The following ING5 variants were observed in gnomAD, a reference collection of about 807,000 sequenced individuals.
The protein encoded by ING5 is inhibitor of growth protein 5.
ING5 carries 17 observed loss-of-function variants against 37.4 expected under a neutral mutation model. The observed-to-expected ratio is 0.45, with a 90% CI of 0.31 to 0.68. The LOEUF is 0.68. Ranked by LOEUF, ING5 falls within the 30% of genes least tolerant of loss-of-function variation. ING5 has a pLI of 0.05. For missense variants in ING5, 233 were observed against 311.9 expected, an observed-to-expected ratio of 0.75 and a Z score of 1.91; for synonymous variants, 123 against 116.6, an observed-to-expected ratio of 1.06 and a Z score of -0.36.
intron 1 of ING5, among the ~76,000 whole-genome samples, chr2:241,702,307 C>T (rs1559298867): frequency 6.7e-6 from 1 of 149,736 alleles, no homozygotes; most frequent in Non-Finnish European, 1.5e-5. Flanking sequence ...GGGGTCCCGC[C>T]GGCTGGGTCG....
chr2:241,710,247 C>T (rs2070066646), intron 3 of ING5, among the ~76,000 whole-genome samples: 1 of 152,100 alleles, frequency 6.6e-6, no homozygotes. Flanking sequence ...GCTAGGATTA[C>T]AGTCACCCAC....
At chr2:241,702,617 G>A (rs996869073) in intron 1 of ING5, among the ~76,000 whole-genome samples, 2 of 152,218 alleles carry the variant, frequency 1.3e-5, no homozygotes, top group Non-Finnish European at 2.9e-5. Flanking sequence ...TGCGGGCCGC[G>A]GGGCGTCTCT....
intron 2 of ING5, among the ~76,000 whole-genome samples, chr2:241,691,803 C>A (rs1301058255): frequency 6.6e-6 from 1 of 151,886 alleles, no homozygotes; most frequent in African/African-American, 2.4e-5. Context: ...CTCACACCTA[C>A]AATCCCAGCA....
chr2:241,719,779 A>C (rs901567588), intron 5 of ING5: 10 of 1,442,270 alleles, frequency 6.9e-6, no homozygotes, highest in Non-Finnish European at 9.0e-6. Flanking sequence ...CTGTGGCCTC[A>C]TGGCTTTTCC....
rs139462657 is a variant in ING5, at chr2:241,728,655, T to G, written c.*3624T>G. ...ATGCCAAGCGGAGGCCTGCGTGGCCTCCTGAGCAGCAGCTGACCGCCCGTC... is the reference window on the plus strand; with the variant it reads ...ATGCCAAGCGGAGGCCTGCGTGGCCGCCTGAGCAGCAGCTGACCGCCCGTC... On this transcript the variant is annotated 3_prime_UTR_variant, in exon 8 of 8. Coordinates refer to ENST00000313552, the MANE Select transcript of ING5 (RefSeq NM_032329.6). The G allele has an allele frequency of 0.094, 14,331 of 152,214 alleles. 717 individuals carry two copies. Among genetic ancestry groups the G allele is most frequent in the South Asian group, 0.15 (717 of 4,808 alleles). 9.4% of individuals were successfully genotyped at this position (152,214 alleles called of 1,614,324 possible). A position where few individuals can be genotyped will look rare whatever the true frequency, so the allele number is the denominator to read the frequency against.
At chr2:241,710,431 T>A (rs1191959821) in intron 3 of ING5, among the ~76,000 whole-genome samples, 4 of 151,856 alleles carry the variant, frequency 2.6e-5, no homozygotes, top group African/African-American at 9.7e-5. Context: ...GCCTCCTAAG[T>A]AGCTGGGATT....
rs1239008509 is a variant in ING5, at chr2:241,725,871, A to G, written c.*840A>G. ...AGTCCCGTCTGCCAGGAGCTGACGA[A>G]CCACGAATGCTTCTGCCTGTGCTGT... On this transcript the variant is annotated 3_prime_UTR_variant, in exon 8 of 8. Coordinates refer to ENST00000313552, the MANE Select transcript of ING5 (RefSeq NM_032329.6). 2.0e-5 allele frequency: 3 copies of G among 152,666 alleles called. No individual in the cohort carries two copies. Among genetic ancestry groups the G allele is most frequent in the Non-Finnish European group, 4.4e-5 (3 of 68,048 alleles). 9.5% of individuals were successfully genotyped at this position (152,666 alleles called of 1,614,324 possible).
exon 2 of ING5, chr2:241,690,099 T>A (rs1553578077): frequency 6.6e-6 from 1 of 152,222 alleles, no homozygotes; most frequent in South Asian, 2.1e-4. Flanking sequence ...ATGGCTTTCC[T>A]GGCTCCCCTG....
upstream of ING5, among the ~76,000 whole-genome samples, chr2:241,701,298 C>A (rs549416995): frequency 6.7e-6 from 1 of 148,824 alleles, no homozygotes; most frequent in Admixed American, 6.8e-5. Flanking sequence ...TACGGCACAC[C>A]TTTGCACGCC....
Position 241,724,817 on chromosome 2 carries a change from T to G in ING5, c.681-172T>G, listed in dbSNP as rs1017799709. ...CCGGCGTCCTGCATAGAGCCGCACGTGCATCGGCGCATTTTCCCTGCGGGA... is the reference window on the plus strand; with the variant it reads ...CCGGCGTCCTGCATAGAGCCGCACGGGCATCGGCGCATTTTCCCTGCGGGA... On this transcript the variant is annotated intron_variant, in intron 7 of 7. Transcript: ENST00000313552. 19 of 626,528 alleles carry G rather than the reference T, an allele frequency of 3.0e-5. No individual in the cohort carries two copies. The Admixed American group carries it at 3.1e-4, about 10-fold the overall frequency. 38.8% of individuals were successfully genotyped at this position (626,528 alleles called of 1,614,324 possible).
chr2:241,702,005 C>T (rs2069740082), upstream of ING5: 3 of 1,257,596 alleles, frequency 2.4e-6, no homozygotes, highest in Non-Finnish European at 3.1e-6. Flanking sequence ...GGCACCGCCC[C>T]GCCCCCGCCT....
Position 241,725,606 on chromosome 2 carries a change from C to G in ING5, c.*575C>G, listed in dbSNP as rs1216001280. 1 of 152,528 alleles carries G rather than the reference C, an allele frequency of 6.6e-6. No homozygotes were observed. The highest frequency in any genetic ancestry group is 1.5e-5 in the Non-Finnish European group (1 of 68,054). The allele number at this position is 152,528 out of a possible 1,614,324, so 9.4% of individuals were successfully genotyped here. A position where few individuals can be genotyped will look rare whatever the true frequency, so the allele number is the denominator to read the frequency against. On this transcript the variant is annotated 3_prime_UTR_variant, in exon 8 of 8. Coordinates refer to ENST00000313552, the MANE Select transcript of ING5 (RefSeq NM_032329.6). ...GGGGCTCTTCCCTGGAGGAAGCGGC[C>G]TCCGCTTCGCTGGCGCCGCCTTTTT...
At chr2:241,690,672 T>C in intron 2 of ING5, 1 of 398,592 alleles carries the variant, frequency 2.5e-6, no homozygotes, top group East Asian at 3.6e-5. Context: ...ATCCACTTTA[T>C]AGGGGAAATG....
At chr2:241,692,798 C>T (rs901831308) in intron 2 of ING5, among the ~76,000 whole-genome samples, 1 of 152,070 alleles carries the variant, frequency 6.6e-6, no homozygotes, top group Non-Finnish European at 1.5e-5. Flanking sequence ...GCTCAGAACT[C>T]CTGAGGGAGA....
chr2:241,718,622 G>A (rs182671019), intron 5 of ING5, among the ~76,000 whole-genome samples: 1,535 of 151,578 alleles, frequency 0.01, 24 homozygotes, highest in African/African-American at 0.036. Context: ...ACCGTGTTAT[G>A]CAGGCTGGTC....
At chr2:241,708,966 C>G in intron 2 of ING5, 1 of 351,202 alleles carries the variant, frequency 2.8e-6, no homozygotes. Flanking sequence ...GCACTGTGAC[C>G]ACTTGCTGTG....
At chr2:241,690,379 C>T (rs2069532055) in exon 2 of ING5, 1 of 381,996 alleles carries the variant, frequency 2.6e-6, no homozygotes, top group Admixed American at 4.5e-5. Flanking sequence ...ACATGAAGTC[C>T]AGTGTTAGGC....
chr2:241,696,717 G>A (rs538195947), intron 2 of ING5, among the ~76,000 whole-genome samples: 6 of 152,172 alleles, frequency 3.9e-5, no homozygotes, highest in Admixed American at 1.3e-4. Flanking sequence ...CCAGGAGGTC[G>A]AGGCTGCATG....
chr2:241,715,569 A>C (rs2070242419), intron 5 of ING5, among the ~76,000 whole-genome samples: 1 of 131,096 alleles, frequency 7.6e-6, no homozygotes, highest in South Asian at 2.3e-4. Flanking sequence ...TGCAACCTCC[A>C]CCTCCCAGGT....
Sources: allele counts gnomAD v4.1 joint callset (sites outside exome capture counted in the v4.1 genomes callset), GRCh38; gene constraint gnomAD v4.1.1; transcripts MANE v1.5; gene names NCBI Gene and HGNC (gene_info 2026-07-23, HGNC 2026-07-21).